MAPK4: variants seen among roughly 807,000 people sequenced by gnomAD.
MAPK4 encodes Erk3-related.
Under a neutral mutation model 47.7 loss-of-function variants are expected in MAPK4, and 22 were observed. That is an observed-to-expected ratio of 0.46 (90% CI 0.33 to 0.66). MAPK4 has a LOEUF of 0.66. Ranked by LOEUF, MAPK4 falls within the 30% of genes least tolerant of loss-of-function variation. The probability of loss-of-function intolerance (pLI) is 0.02; values close to 1 mark genes in which losing one functional copy is unlikely to be tolerated. For missense variants in MAPK4, 736 were observed against 831.7 expected, an observed-to-expected ratio of 0.88 and a Z score of 1.42; for synonymous variants, 390 against 365.7, an observed-to-expected ratio of 1.07 and a Z score of -0.76.
At chr18:50,698,423 C>G (rs1388405709) in intron 2 of MAPK4, among the ~76,000 whole-genome samples, 2 of 151,876 alleles carry the variant, frequency 1.3e-5, no homozygotes, top group East Asian at 3.9e-4. Context: ...TTACATGAAA[C>G]AAGTTCTTAG....
At chr18:50,661,904 C>T (rs1027916119) in intron 1 of MAPK4, among the ~76,000 whole-genome samples, 1 of 152,228 alleles carries the variant, frequency 6.6e-6, no homozygotes, top group African/African-American at 2.4e-5. Context: ...TTTAACTAAA[C>T]AGCAACAATA....
At chr18:50,719,717 G>T (rs1470102990) in intron 3 of MAPK4, among the ~76,000 whole-genome samples, 2 of 152,218 alleles carry the variant, frequency 1.3e-5, no homozygotes, top group East Asian at 3.9e-4. Context: ...ACGGAGAAGA[G>T]CTGGGCTTCT....
At chr18:50,676,920 T>G (rs1362951725) in intron 2 of MAPK4, among the ~76,000 whole-genome samples, 1 of 151,346 alleles carries the variant, frequency 6.6e-6, no homozygotes, top group African/African-American at 2.4e-5. Context: ...TGAGTAAGGG[T>G]CCCCAACCCC....
intron 1 of MAPK4, among the ~76,000 whole-genome samples, chr18:50,600,780 T>C (rs527612954): frequency 1.3e-5 from 2 of 152,098 alleles, no homozygotes; most frequent in East Asian, 3.9e-4. Context: ...AAGAACCTCT[T>C]AGAAAGAAGA....
Position 50,729,597 on chromosome 18 carries a change from GGCC to G in MAPK4, c.1508_1510del (p.Gly503_Pro504delinsAla). On this transcript the variant is annotated inframe_deletion, in exon 6 of 6. Coordinates refer to ENST00000400384, the MANE Select transcript of MAPK4 (RefSeq NM_002747.4). ...GCAGTGGGTCAAGAGCACGCAGGGCGGCCCAGAGCACGCCAGCCCGCCCGCCGA... is the reference window on the plus strand; with the variant it reads ...GCAGTGGGTCAAGAGCACGCAGGGCGCAGAGCACGCCAGCCCGCCCGCCGA... The G allele has an allele frequency of 1.5e-6, 2 of 1,366,596 alleles. No individual in the cohort carries two copies. The highest frequency in any genetic ancestry group is 1.9e-6 in the Non-Finnish European group (2 of 1,061,576). 84.7% of individuals were successfully genotyped at this position (1,366,596 alleles called of 1,614,324 possible).
In MAPK4 at chr18:50,589,766, A is replaced by C. The variant is rs548468890; in HGVS notation, c.-871+29523A>C. Among the ~76,000 whole-genome samples, 6 of 152,272 alleles carry C rather than the reference A, an allele frequency of 3.9e-5. No individual in the cohort carries two copies. In the East Asian group the frequency reaches 1.2e-3, roughly 29 times the overall value. Reference sequence around the variant, plus strand: ...TTTCAGTCCATCCAACCACATTCTCACTTCCTGAGCATGCTTTTGTTAGCT... The same window carrying C: ...TTTCAGTCCATCCAACCACATTCTCCCTTCCTGAGCATGCTTTTGTTAGCT... On this transcript the variant is annotated intron_variant, in intron 1 of 5. Coordinates refer to ENST00000400384, the MANE Select transcript of MAPK4 (RefSeq NM_002747.4).
At chr18:50,606,563 G>A (rs551256575) in intron 1 of MAPK4, among the ~76,000 whole-genome samples, 23 of 152,264 alleles carry the variant, frequency 1.5e-4, no homozygotes, top group South Asian at 6.2e-4. Flanking sequence ...TGCCTTCTGG[G>A]AACATAGCAT....
chr18:50,571,331 C>T (rs1300012262), intron 1 of MAPK4, among the ~76,000 whole-genome samples: 2 of 152,184 alleles, frequency 1.3e-5, no homozygotes, highest in Non-Finnish European at 2.9e-5. Flanking sequence ...AAATCTGTAA[C>T]CCCACTCCCA....
chr18:50,662,171 T>G (rs2043179052), intron 1 of MAPK4, among the ~76,000 whole-genome samples: 1 of 152,274 alleles, frequency 6.6e-6, no homozygotes, highest in Admixed American at 6.5e-5. Context: ...GCCAAGTTCA[T>G]GCCTTTGTGT....
rs2149371296 is a variant in MAPK4 at position 50,599,425 on chromosome 18, A to G, written c.-871+39182A>G. On this transcript the variant is annotated intron_variant, in intron 1 of 5. Coordinates refer to ENST00000400384, the MANE Select transcript of MAPK4 (RefSeq NM_002747.4). ...ACATATTTCATTTTTTACTTTTATT[A>G]TTATTATTATTTTGAGACGGAGTCC... Among the ~76,000 whole-genome samples the G allele has an allele frequency of 1.3e-5, 2 of 152,194 alleles. 1 individual carries two copies. The highest frequency in any genetic ancestry group is 4.1e-4 in the South Asian group (2 of 4,820).
At chr18:50,684,051 CAG>C (rs1334944095) in intron 2 of MAPK4, among the ~76,000 whole-genome samples, 1 of 152,108 alleles carries the variant, frequency 6.6e-6, no homozygotes, top group Non-Finnish European at 1.5e-5. Flanking sequence ...CCTCCTGAGC[CAG>C]AGAGAGCCAG....
rs184560406 is a variant in MAPK4, at chr18:50,645,744, C to T, written c.-870-17345C>T. On this transcript the variant is annotated intron_variant, in intron 1 of 5. Coordinates refer to ENST00000400384, the MANE Select transcript of MAPK4 (RefSeq NM_002747.4). ...TCCTGGGGCATTTAATTCACTCAGG[C>T]AGCAGAGCCTAATGGTTGAGGGCAT... is the stretch of plus-strand genomic sequence containing the variant. 6.9e-4 allele frequency among the ~76,000 whole-genome samples: 105 copies of T among 152,220 alleles called. 1 individual carries two copies. Among genetic ancestry groups the T allele is most frequent in the African/African-American group, 2.4e-3 (100 of 41,528 alleles).
intron 2 of MAPK4, among the ~76,000 whole-genome samples, chr18:50,692,302 C>T (rs774418337): frequency 2.6e-4 from 39 of 152,292 alleles, no homozygotes; most frequent in Non-Finnish European, 4.4e-4. Context: ...AGGGAATTGG[C>T]CCTCATTCTC....
chr18:50,580,121 C>T (rs986039488), intron 1 of MAPK4, among the ~76,000 whole-genome samples: 12 of 152,218 alleles, frequency 7.9e-5, no homozygotes, highest in African/African-American at 2.4e-4. Flanking sequence ...GCTCCACCTC[C>T]CCTGTCATCC....
At chr18:50,687,544 C>G (rs1908952847) in intron 2 of MAPK4, among the ~76,000 whole-genome samples, 1 of 152,046 alleles carries the variant, frequency 6.6e-6, no homozygotes, top group African/African-American at 2.4e-5. Context: ...CCTCTTTGTG[C>G]CACCCAGCAA....
At chr18:50,680,981 G>A (rs1449706620) in intron 2 of MAPK4, among the ~76,000 whole-genome samples, 1 of 152,178 alleles carries the variant, frequency 6.6e-6, no homozygotes, top group African/African-American at 2.4e-5. Context: ...TACTGCTTGA[G>A]GAGCTACCAG....
chr18:50,562,669 C>T (rs966693969), intron 1 of MAPK4, among the ~76,000 whole-genome samples: 2 of 152,164 alleles, frequency 1.3e-5, no homozygotes, highest in African/African-American at 4.8e-5. Context: ...TCTTGAGATG[C>T]ACTGGAATAT....
intron 2 of MAPK4, among the ~76,000 whole-genome samples, chr18:50,680,078 CTTTTTTTTT>C (rs138992946): frequency 1.8e-5 from 1 of 54,336 alleles, no homozygotes; most frequent in African/African-American, 8.1e-5. Context: ...TGCTTTTAAA[CTTTTTTTTT>C]TTTTTTTTTT....
At chr18:50,630,097 C>T (rs1045826808) in intron 1 of MAPK4, among the ~76,000 whole-genome samples, 1 of 152,160 alleles carries the variant, frequency 6.6e-6, no homozygotes, top group Non-Finnish European at 1.5e-5. Flanking sequence ...AACGCCTAAC[C>T]CATAGTGGCA....
Sources: allele counts gnomAD v4.1 joint callset (sites outside exome capture counted in the v4.1 genomes callset), GRCh38; gene constraint gnomAD v4.1.1; transcripts MANE v1.5; gene names NCBI Gene and HGNC (gene_info 2026-07-23, HGNC 2026-07-21).